The following TPPP variants were observed in gnomAD, a reference collection of about 807,000 sequenced individuals.
TPPP encodes tubulin polymerization promoting protein.
TPPP carries 6 observed loss-of-function variants against 15.5 expected under a neutral mutation model. The ratio of observed to expected loss-of-function variants is 0.39; its 90% CI spans 0.21 to 0.77. The LOEUF (loss-of-function observed/expected upper bound fraction) is 0.77. Ranked by LOEUF, TPPP falls within the 30% of genes least tolerant of loss-of-function variation. The pLI is 0.42. For synonymous variants in TPPP, 146 were observed against 133.9 expected (o/e 1.09, Z -0.63); for missense variants, 269 against 307.2 (o/e 0.88, Z 0.93).
chr5:687,289 C>G (rs1277895084), intron 1 of TPPP, among the ~76,000 whole-genome samples: 1 of 138,092 alleles, frequency 7.2e-6, no homozygotes, highest in African/African-American at 2.7e-5. Context: ...CCTCTGGACA[C>G]AGTGACACAG....
chr5:696,545 TG>T (rs1741014914), upstream of TPPP, among the ~76,000 whole-genome samples: 1 of 143,178 alleles, frequency 7.0e-6, no homozygotes, highest in Non-Finnish European at 1.6e-5. Flanking sequence ...AGCTCCTGTG[TG>T]GGCCCTGGGC....
Position 677,735 on chromosome 5 carries a change from G to A in TPPP, c.311+15C>T. On this transcript the variant is annotated intron_variant, in intron 2 of 3. Coordinates refer to ENST00000360578, the MANE Select transcript of TPPP (RefSeq NM_007030.3). Reference sequence around the variant, plus strand: ...GTAAGTCAGGTCCCTCGGCCCGTGAGCCCAGCGCACTCACTTGATCTTGCT... The same window carrying A: ...GTAAGTCAGGTCCCTCGGCCCGTGAACCCAGCGCACTCACTTGATCTTGCT... 1 of 1,539,518 alleles carries A rather than the reference G, an allele frequency of 6.5e-7. No homozygotes were observed. Among genetic ancestry groups the A allele is most frequent in the Non-Finnish European group, 8.8e-7 (1 of 1,142,108 alleles).
At chr5:685,624 G>C (rs1404516166) in intron 1 of TPPP, among the ~76,000 whole-genome samples, 1 of 152,236 alleles carries the variant, frequency 6.6e-6, no homozygotes, top group Admixed American at 6.5e-5. Context: ...GAAGAAGAGA[G>C]ATGGCTGCGG....
chr5:677,120 G>A (rs561298834), intron 2 of TPPP, among the ~76,000 whole-genome samples: 1 of 152,400 alleles, frequency 6.6e-6, no homozygotes, highest in African/African-American at 2.4e-5. Context: ...CGGTTTCAAG[G>A]TGGTGGCCGG....
At chr5:677,262 A>T (rs1048451305) in intron 2 of TPPP, among the ~76,000 whole-genome samples, 3 of 152,210 alleles carry the variant, frequency 2.0e-5, no homozygotes, top group African/African-American at 7.2e-5. Context: ...GGACACAAGC[A>T]TCCAACCTCT....
At chr5:682,675 G>A (rs1740661012) in intron 1 of TPPP, among the ~76,000 whole-genome samples, 1 of 152,212 alleles carries the variant, frequency 6.6e-6, no homozygotes, top group Admixed American at 6.5e-5. Context: ...AGGGCCTGGG[G>A]TCTCTCTCAC....
At chr5:693,818 C>T (rs1375656233), upstream of TPPP, among the ~76,000 whole-genome samples, 2 of 149,132 alleles carry the variant, frequency 1.3e-5, no homozygotes, top group Non-Finnish European at 1.5e-5. Flanking sequence ...GCCCCGACCG[C>T]GCCCAGTTCT....
chr5:676,847 A>C (rs13159523), intron 2 of TPPP, among the ~76,000 whole-genome samples: 1 of 150,474 alleles, frequency 6.6e-6, no homozygotes, highest in African/African-American at 2.5e-5. Flanking sequence ...CACACACGAC[A>C]CAGAAACGCG....
intron 1 of TPPP, among the ~76,000 whole-genome samples, chr5:685,793 TGAG>T (rs1740750743): frequency 6.6e-6 from 1 of 152,054 alleles, no homozygotes; most frequent in African/African-American, 2.4e-5. Context: ...GGTGTAGGGA[TGAG>T]AAGGCGGGGC....
chr5:692,978 C>G, intron 1 of TPPP: 2 of 716,710 alleles, frequency 2.8e-6, no homozygotes, highest in Non-Finnish European at 3.4e-6. Flanking sequence ...AAGGCCAAAG[C>G]GCCAGGCACA....
the TPPP span, among the ~76,000 whole-genome samples, chr5:698,625 A>G: frequency 0.77 from 116,537 of 151,264 alleles, 44,411 homozygotes; most frequent in African/African-American, 0.93. Context: ...ATCAGGTCTC[A>G]TGAGACTTAT....
chr5:683,434 C>G (rs970768401), intron 1 of TPPP, among the ~76,000 whole-genome samples: 1 of 152,226 alleles, frequency 6.6e-6, no homozygotes, highest in Non-Finnish European at 1.5e-5. Flanking sequence ...AGGAGCCCCG[C>G]GTGCTTCTGC....
Position 666,133 on chromosome 5 carries a change from C to T in TPPP, c.312-10G>A, listed in dbSNP as rs771495820. 6.2e-7 allele frequency: 1 copy of T among 1,610,036 alleles called. No homozygotes were observed. The highest frequency in any genetic ancestry group is 8.5e-7 in the Non-Finnish European group (1 of 1,179,588). On this transcript the variant is annotated splice_polypyrimidine_tract_variant and intron_variant, in intron 2 of 3. Transcript: ENST00000360578. ...CCGGCAAGACTTCCCTCTACAGGGG[C>T]ACAGGCGACTTAGGGCTGGGCGCGG...
chr5:685,243 G>C (rs1740735368), intron 1 of TPPP, among the ~76,000 whole-genome samples: 1 of 152,236 alleles, frequency 6.6e-6, no homozygotes, highest in Non-Finnish European at 1.5e-5. Context: ...CCCCATAGAA[G>C]ACCTGAGGTC....
upstream of TPPP, among the ~76,000 whole-genome samples, chr5:694,484 G>T (rs1194807847): frequency 1.6e-5 from 2 of 125,782 alleles, no homozygotes; most frequent in African/African-American, 5.1e-5. Flanking sequence ...AGGGGAAGTT[G>T]GGGTGCTGGG....
At chr5:693,434 C>G (rs1291938613), upstream of TPPP, 2 of 148,082 alleles carry the variant, frequency 1.4e-5, no homozygotes, top group Non-Finnish European at 3.0e-5. Context: ...CCCCCGGCCC[C>G]CAGCGTCCGG....
intron 1 of TPPP, chr5:692,573 C>A (rs184621558): frequency 1.0e-6 from 1 of 982,370 alleles, no homozygotes; most frequent in African/African-American, 1.8e-5. Flanking sequence ...CCCTCGGCTC[C>A]GTTTACGTAA....
intron 1 of TPPP, among the ~76,000 whole-genome samples, chr5:693,061 CT>C (rs1485452716): frequency 1.4e-5 from 2 of 146,988 alleles, no homozygotes; most frequent in East Asian, 3.9e-4. Context: ...TTTGCAAAGC[CT>C]CCCCGTCGCG....
chr5:671,138 C>G (rs373330744), intron 2 of TPPP, among the ~76,000 whole-genome samples: 96 of 152,354 alleles, frequency 6.3e-4, no homozygotes, highest in Non-Finnish European at 1.0e-3. Flanking sequence ...AAGGCTCCCC[C>G]CTGCCTGAGG....
Sources: gnomAD v4.1 joint callset for allele counts (sites outside exome capture counted in the v4.1 genomes callset) on GRCh38, gnomAD v4.1.1 for gene constraint, MANE v1.5 for transcripts, NCBI Gene and HGNC (gene_info 2026-07-23, HGNC 2026-07-21) for gene names.